DMXL1: variants seen among roughly 807,000 people sequenced by gnomAD.
The protein encoded by DMXL1 is Dmx like 1, also known as dmX-like protein 1.
In DMXL1, 99 loss-of-function variants were observed where a neutral mutation model predicts 319.2. The observed-to-expected ratio is 0.31, with a 90% confidence interval of 0.26 to 0.37. The LOEUF (loss-of-function observed/expected upper bound fraction) is 0.37. Ranked by LOEUF, DMXL1 falls within the 10% of genes least tolerant of loss-of-function variation. The pLI is 1.00. For synonymous variants in DMXL1, 1,385 were observed against 1,235.2 expected (o/e 1.12, Z -2.54); for missense variants, 3,745 against 3,595.6 (o/e 1.04, Z -1.06).
chr5:119,103,104 A>G (rs893496300), intron 3 of DMXL1, among the ~76,000 whole-genome samples: 5 of 150,278 alleles, frequency 3.3e-5, no homozygotes, highest in African/African-American at 1.3e-4. Context: ...TTTAAAAAAA[A>G]AGAAAGAGCA....
At chr5:119,194,099 GT>G in intron 30 of DMXL1, 129 bp downstream of exon 30, 1 of 589,674 alleles carries the variant, frequency 1.7e-6, no homozygotes, top group East Asian at 3.3e-5. Flanking sequence ...GATTTCTTTA[GT>G]TGAAATTGTT....
At chr5:119,219,293 G>A (rs963111238) in intron 35 of DMXL1, among the ~76,000 whole-genome samples, 25 of 152,102 alleles carry the variant, frequency 1.6e-4, no homozygotes, top group Admixed American at 1.6e-3. Flanking sequence ...GCTCTGGAGG[G>A]AGAGACGATA....
Position 119,171,915 on chromosome 5 carries a change from C to T in DMXL1, c.6627C>T (p.Leu2209=), listed in dbSNP as rs761262135. The change falls in exon 25 of 44, where the codon CTC becomes CTT. Residue 2209 remains leucine (L), a synonymous_variant. Transcript: ENST00000539542. The stretch of plus-strand genomic sequence containing the variant: ...TTAGTAATCTGACACATGATATTCT[C>T]CATGCCATAATAAACTTTGATTCAC... ...LHLSNLTHDI[L]HAIINFDSPP... is the part of the protein sequence containing the mutation. 1.9e-6 allele frequency: 3 copies of T among 1,613,762 alleles called. No individual in the cohort carries two copies. The highest frequency in any genetic ancestry group is 2.5e-6 in the Non-Finnish European group (3 of 1,179,840).
At chr5:119,109,900 A>G (rs1290982384) in intron 4 of DMXL1, among the ~76,000 whole-genome samples, 2 of 152,188 alleles carry the variant, frequency 1.3e-5, no homozygotes, top group Non-Finnish European at 2.9e-5. Context: ...TGTATTTCCA[A>G]TGTCTAGCAC....
intron 18 of DMXL1, 58 bp downstream of exon 18, chr5:119,150,479 A>G: frequency 2.0e-6 from 3 of 1,503,770 alleles, no homozygotes; most frequent in Non-Finnish European, 1.8e-6. Flanking sequence ...AAATAATTTT[A>G]AATAATTTTT....
At chr5:119,129,072 CAAAAT>C (rs1234943186) in intron 9 of DMXL1, 134 bp from the exon 10 acceptor site, 1 of 630,212 alleles carries the variant, frequency 1.6e-6, no homozygotes, top group Middle Eastern at 4.4e-4. Flanking sequence ...AACAAAATCT[CAAAAT>C]AAAATTAAAA....
intron 15 of DMXL1, among the ~76,000 whole-genome samples, chr5:119,145,016 AAACTAATTGTCTTAATT>A: frequency 6.6e-6 from 1 of 151,780 alleles, no homozygotes; most frequent in Non-Finnish European, 1.5e-5. Context: ...CTTAATTTAA[AAACTAATTGTCTTAATT>A]AATGCTTTTA....
chr5:119,166,646 T>G lies in DMXL1; in HGVS notation c.5001T>G (p.Phe1667Leu). The G allele has an allele frequency of 6.2e-7, 1 of 1,610,716 alleles. No individual in the cohort carries two copies. Among genetic ancestry groups the G allele is most frequent in the Non-Finnish European group, 8.5e-7 (1 of 1,178,976 alleles). The change falls in exon 22 of 44, where the codon TTT becomes TTG. Residue 1667 changes from phenylalanine to leucine, a missense_variant. This residue lies in a region of DMXL1 where 2,096 missense variants were observed against 1,985.4 expected (regional missense o/e 1.06). Transcript: ENST00000539542. ...AAAAAAACACCAGGATGACACAGTTTTTTGGACACAATTTTGAGGATGAGA... is the reference window on the plus strand; with the variant it reads ...AAAAAAACACCAGGATGACACAGTTGTTTGGACACAATTTTGAGGATGAGA... ...RAEKNTRMTQFFGHNFEDERW... is the reference protein window; with the variant it reads ...RAEKNTRMTQLFGHNFEDERW...
Position 119,081,997 on chromosome 5 carries a change from T to TTATATA in DMXL1, c.87+10360_87+10365dup, listed in dbSNP as rs144946899. Among the ~76,000 whole-genome samples, 259 of 116,194 alleles carry TTATATA rather than the reference T, an allele frequency of 2.2e-3. 1 individual carries two copies. The highest frequency in any genetic ancestry group is 4.3e-3 in the Middle Eastern group (1 of 232). The allele number at this position is 116,194 out of a possible 152,430, so 76.2% of individuals were successfully genotyped here. ...TTTCCCAGAGGAAGTTTTCTTAAGGTTATATATATATATATATATATATAC... is the reference window on the plus strand; with the variant it reads ...TTTCCCAGAGGAAGTTTTCTTAAGGTTATATATATATATATATATATATATATATAC... On this transcript the variant is annotated intron_variant, in intron 1 of 43. Transcript: ENST00000539542.
chr5:119,130,048 C>G (rs933987151), intron 10 of DMXL1, among the ~76,000 whole-genome samples: 22 of 151,780 alleles, frequency 1.4e-4, no homozygotes, highest in East Asian at 7.7e-4. Flanking sequence ...TGGTGTGCAG[C>G]TAGCCATCTC....
intron 3 of DMXL1, chr5:119,102,328 G>A (rs1757446842): frequency 5.1e-6 from 1 of 197,846 alleles, no homozygotes. Context: ...GCCATATGTG[G>A]TACTCTTTCC....
intron 10 of DMXL1, chr5:119,132,611 A>C (rs992433889): frequency 3.1e-6 from 1 of 320,838 alleles, no homozygotes; most frequent in African/African-American, 2.2e-5. Flanking sequence ...CGGGCAGCAG[A>C]GGTTGCAGTG....
At chr5:119,239,151 G>T (rs1274523969) in intron 41 of DMXL1, 71 bp downstream of exon 41, 1 of 1,495,088 alleles carries the variant, frequency 6.7e-7, no homozygotes, top group Non-Finnish European at 9.2e-7. Context: ...TTCTGTCCTT[G>T]TGTTTGACTA....
chr5:119,158,816 G>C (rs1214306590), intron 19 of DMXL1, among the ~76,000 whole-genome samples: 1 of 152,144 alleles, frequency 6.6e-6, no homozygotes, highest in Non-Finnish European at 1.5e-5. Flanking sequence ...AGCTAATCTT[G>C]AACCCATGGC....
chr5:119,139,640 C>T (rs939273362), intron 13 of DMXL1, among the ~76,000 whole-genome samples: 1 of 152,132 alleles, frequency 6.6e-6, no homozygotes, highest in Non-Finnish European at 1.5e-5. Context: ...TTCTTAGAAA[C>T]CTACAAAGAG....
chr5:119,133,662 G>C lies in DMXL1; in HGVS notation c.1738G>C (p.Gly580Arg). The change falls in exon 12 of 44, where the codon GGT becomes CGT. Residue 580 changes from glycine (G) to arginine (R), a missense_variant. Around this residue, in one of 4 missense-constraint regions of DMXL1, gnomAD observed 2,096 missense variants for 1,985.4 expected, o/e 1.06. Coordinates refer to ENST00000539542, the MANE Select transcript of DMXL1 (RefSeq NM_001290321.3). The part of the protein sequence containing the change: ...TRSTSMLISS[G>R]HNKSSNSLKL... Reference sequence around the variant, plus strand: ...TTCCACATCAATGCTTATTTCTTCTGGTCACAATAAATCATCTAATAGTTT... The same window carrying C: ...TTCCACATCAATGCTTATTTCTTCTCGTCACAATAAATCATCTAATAGTTT... 6.2e-7 allele frequency: 1 copy of C among 1,614,022 alleles called. No homozygotes were observed. The highest frequency in any genetic ancestry group is 8.5e-7 in the Non-Finnish European group (1 of 1,180,008).
chr5:119,143,797 A>C, intron 13 of DMXL1, 44 bp from the exon 14 acceptor site: 1 of 1,301,298 alleles, frequency 7.7e-7, no homozygotes. Context: ...TCTTATTTGC[A>C]TATGAATTGT....
intron 25 of DMXL1, among the ~76,000 whole-genome samples, chr5:119,174,232 C>T (rs1013820286): frequency 2.0e-5 from 3 of 152,162 alleles, no homozygotes; most frequent in Non-Finnish European, 4.4e-5. Context: ...GGCCCAGTCA[C>T]ACCTAGATTT....
chr5:119,139,445 T>C (rs904347396), intron 13 of DMXL1, among the ~76,000 whole-genome samples: 8 of 152,050 alleles, frequency 5.3e-5, no homozygotes, highest in Admixed American at 5.2e-4. Context: ...ACCAAGTAAA[T>C]GGAAATCAGA....
Sources: gnomAD v4.1 joint callset for allele counts (sites outside exome capture counted in the v4.1 genomes callset) on GRCh38, gnomAD v4.1.1 for gene constraint, gnomAD v4.1.1 regional missense constraint, MANE v1.5 for transcripts, NCBI Gene and HGNC (gene_info 2026-07-23, HGNC 2026-07-21) for gene names.